RBPMS: variants seen among roughly 807,000 people sequenced by gnomAD.
The protein encoded by RBPMS is RNA-binding protein with multiple splicing.
A neutral mutation model predicts 26.8 loss-of-function variants in RBPMS; 7 were observed. The ratio of observed to expected loss-of-function variants is 0.26; its 90% CI spans 0.15 to 0.49. The LOEUF (loss-of-function observed/expected upper bound fraction) is 0.49. Ranked by LOEUF, RBPMS falls within the 20% of genes least tolerant of loss-of-function variation. The probability of loss-of-function intolerance (pLI) is 0.98; values close to 1 mark genes in which losing one functional copy is unlikely to be tolerated. For synonymous variants in RBPMS, 96 were observed against 93.3 expected, an observed-to-expected ratio of 1.03 and a Z score of -0.17; for missense variants, 186 against 250.0, an observed-to-expected ratio of 0.74 and a Z score of 1.73.
intron 5 of RBPMS, among the ~76,000 whole-genome samples, chr8:30,538,266 T>A (rs1825009175): frequency 6.6e-6 from 1 of 152,144 alleles, no homozygotes; most frequent in Non-Finnish European, 1.5e-5. Context: ...CAATCTTTTT[T>A]TTTTTGGAGA....
At chr8:30,570,018 C>T (rs1422654576) in intron 8 of RBPMS, among the ~76,000 whole-genome samples, 1 of 152,130 alleles carries the variant, frequency 6.6e-6, no homozygotes, top group African/African-American at 2.4e-5. Context: ...TACTGTCGTC[C>T]AAAAACTGGG....
intron 6 of RBPMS, chr8:30,552,198 G>A (rs1826443049): frequency 6.6e-6 from 1 of 152,046 alleles, no homozygotes; most frequent in South Asian, 2.1e-4. Flanking sequence ...GGGTCAGCTG[G>A]GTGTGTACCC....
chr8:30,412,068 T>G lies in RBPMS; in HGVS notation c.66+26910T>G, dbSNP rs1275709498. ...TGTCCCATAGTAGGCAAGTGTTTGT[T>G]CAGTTACTGACAAAGTCGAGGCTTG... On this transcript the variant is annotated intron_variant, in intron 1 of 8. Transcript: ENST00000397323. Among the ~76,000 whole-genome samples, 16 of 152,270 alleles carry G rather than the reference T, an allele frequency of 1.1e-4. No individual in the cohort carries two copies. In the East Asian group the frequency reaches 2.5e-3, roughly 24 times the overall value.
At chr8:30,388,176 T>G (rs1807338581) in intron 1 of RBPMS, among the ~76,000 whole-genome samples, 1 of 152,110 alleles carries the variant, frequency 6.6e-6, no homozygotes. Context: ...GTTGTCAAAA[T>G]CTCACTGAGA....
intron 1 of RBPMS, among the ~76,000 whole-genome samples, chr8:30,419,581 T>A (rs1810517485): frequency 6.6e-6 from 1 of 151,904 alleles, no homozygotes; most frequent in Admixed American, 6.6e-5. Context: ...AGTGGAAAAT[T>A]CCACACTTGA....
chr8:30,385,034 C>A lies in RBPMS; in HGVS notation c.-59C>A. On this transcript the variant is annotated 5_prime_UTR_variant, in exon 1 of 9. Coordinates refer to ENST00000397323, the MANE Select transcript of RBPMS (RefSeq NM_001008710.3). ...CGGGGAAGGCTCCAGTGGGCTAGCG[C>A]GCCCTCGCCCAGCCCCGCGCCCCAG... 1 of 1,381,624 alleles carries A rather than the reference C, an allele frequency of 7.2e-7. No individual in the cohort carries two copies. Among genetic ancestry groups the A allele is most frequent in the Non-Finnish European group, 9.7e-7 (1 of 1,035,206 alleles). The allele number at this position is 1,381,624 out of a possible 1,614,324, so 85.6% of individuals were successfully genotyped here. A position where few individuals can be genotyped will look rare whatever the true frequency, so the allele number is the denominator to read the frequency against.
chr8:30,439,508 G>C (rs772936754), intron 1 of RBPMS, among the ~76,000 whole-genome samples: 2 of 152,202 alleles, frequency 1.3e-5, no homozygotes, highest in Non-Finnish European at 2.9e-5. Context: ...CTCAAAGAAG[G>C]AATGCGGTGA....
intron 5 of RBPMS, among the ~76,000 whole-genome samples, chr8:30,540,230 G>A (rs564038009): frequency 2.0e-5 from 3 of 152,202 alleles, no homozygotes; most frequent in Non-Finnish European, 4.4e-5. Context: ...AGAGGGAGCA[G>A]TGTGTGGGCG....
chr8:30,435,495 A>T (rs1812354979), intron 1 of RBPMS, among the ~76,000 whole-genome samples: 1 of 152,200 alleles, frequency 6.6e-6, no homozygotes, highest in Non-Finnish European at 1.5e-5. Context: ...AGATTGTTGT[A>T]ATCTCATGGT....
At chr8:30,466,413 G>T in intron 1 of RBPMS, among the ~76,000 whole-genome samples, 1 of 151,836 alleles carries the variant, frequency 6.6e-6, no homozygotes, top group Non-Finnish European at 1.5e-5. Flanking sequence ...GGATGTTGTG[G>T]CACACACCTT....
intron 1 of RBPMS, among the ~76,000 whole-genome samples, chr8:30,388,204 T>C (rs1807340803): frequency 6.6e-6 from 1 of 152,088 alleles, no homozygotes; most frequent in Admixed American, 6.5e-5. Context: ...GGTTTGTTTA[T>C]ATATGTTTAG....
At chr8:30,556,568 C>G in intron 6 of RBPMS, 2 of 985,882 alleles carry the variant, frequency 2.0e-6, no homozygotes, top group Non-Finnish European at 2.4e-6. Context: ...GCTCAGCGCC[C>G]CAACCCACAC....
intron 1 of RBPMS, among the ~76,000 whole-genome samples, chr8:30,472,259 A>C (rs1041756005): frequency 6.6e-6 from 1 of 152,240 alleles, no homozygotes; most frequent in East Asian, 1.9e-4. Flanking sequence ...AACATAGATG[A>C]ATCTCAAAGT....
At chr8:30,431,012 A>G (rs532614268) in intron 1 of RBPMS, among the ~76,000 whole-genome samples, 22 of 152,228 alleles carry the variant, frequency 1.4e-4, no homozygotes, top group Non-Finnish European at 2.4e-4. Context: ...TTTTTAATGT[A>G]TGAAGCGGTT....
chr8:30,443,284 G>A (rs990463503), intron 1 of RBPMS, among the ~76,000 whole-genome samples: 1 of 152,056 alleles, frequency 6.6e-6, no homozygotes, highest in Non-Finnish European at 1.5e-5. Context: ...TTAAAATGGT[G>A]TCCTGCACTA....
chr8:30,497,869 G>A (rs533749340), intron 4 of RBPMS, among the ~76,000 whole-genome samples: 11 of 151,810 alleles, frequency 7.2e-5, no homozygotes, highest in South Asian at 2.1e-4. Context: ...TGATCTGCCC[G>A]CCTCGGCCTC....
intron 5 of RBPMS, among the ~76,000 whole-genome samples, chr8:30,516,580 C>A (rs2150971028): frequency 1.3e-5 from 2 of 152,264 alleles, no homozygotes; most frequent in South Asian, 2.1e-4. Flanking sequence ...ATGCCCAATT[C>A]TCTCCCACCA....
chr8:30,433,104 C>T (rs906837866), intron 1 of RBPMS, among the ~76,000 whole-genome samples: 3 of 152,146 alleles, frequency 2.0e-5, no homozygotes, highest in African/African-American at 4.8e-5. Context: ...CGGCCTCACT[C>T]CCCCCAAACT....
chr8:30,411,354 T>A (rs1469828609), intron 1 of RBPMS, among the ~76,000 whole-genome samples: 1 of 152,056 alleles, frequency 6.6e-6, no homozygotes, highest in Non-Finnish European at 1.5e-5. Flanking sequence ...GTTCCTTACT[T>A]ACTGTCAAAA....
Sources: gnomAD v4.1 joint callset for allele counts (sites outside exome capture counted in the v4.1 genomes callset) on GRCh38, gnomAD v4.1.1 for gene constraint, MANE v1.5 for transcripts, NCBI Gene and HGNC (gene_info 2026-07-23, HGNC 2026-07-21) for gene names.